DRD3: variants seen among roughly 807,000 people sequenced by gnomAD.
The protein encoded by DRD3 is D(3) dopamine receptor.
DRD3 carries 19 observed loss-of-function variants against 36.3 expected under a neutral mutation model. The ratio of observed to expected loss-of-function variants is 0.52; its 90% CI spans 0.36 to 0.77. The LOEUF is 0.77. Among genes scored for constraint, DRD3 ranks in the 30% least tolerant of loss-of-function variants. The pLI is 0.00. For missense variants in DRD3, 465 were observed against 505.3 expected (o/e 0.92, Z 0.77); for synonymous variants, 195 against 203.7 (o/e 0.96, Z 0.36).
chr3:114,199,098 T>C (rs1389783719), intron 1 of DRD3, among the ~76,000 whole-genome samples: 1 of 152,206 alleles, frequency 6.6e-6, no homozygotes, highest in Non-Finnish European at 1.5e-5. Context: ...TCATTTTGGA[T>C]AGTTTTTGTT....
intron 1 of DRD3, among the ~76,000 whole-genome samples, chr3:114,186,673 T>C (rs2077977301): frequency 6.6e-6 from 1 of 152,198 alleles, no homozygotes; most frequent in Non-Finnish European, 1.5e-5. Flanking sequence ...GAATGAGTAA[T>C]TGCTATTATG....
rs577636461 is a variant in DRD3 at position 114,137,914 on chromosome 3, C to T, written c.723+1586G>A. ...TCGGGAGGCTGAGGCAGGAGAATGG[C>T]GTGAACCCGGGAGGCGGAGCTTGCA... On this transcript the variant is annotated intron_variant, in intron 5 of 6. Coordinates refer to ENST00000383673, the MANE Select transcript of DRD3 (RefSeq NM_000796.6). Among the ~76,000 whole-genome samples, 11 of 144,484 alleles carry T rather than the reference C, an allele frequency of 7.6e-5. No homozygotes were observed. The South Asian group carries it at 1.6e-3, about 20-fold the overall frequency. The allele number at this position is 144,484 out of a possible 152,430, so 94.8% of individuals were successfully genotyped here. A position where few individuals can be genotyped will look rare whatever the true frequency, so the allele number is the denominator to read the frequency against.
chr3:114,169,662 G>A (rs1018065721), intron 2 of DRD3, among the ~76,000 whole-genome samples: 1 of 152,056 alleles, frequency 6.6e-6, no homozygotes, highest in African/African-American at 2.4e-5. Flanking sequence ...ATTTCTTTAA[G>A]GCCTTTGGCA....
At chr3:114,152,419 G>A (rs2077626104) in intron 3 of DRD3, among the ~76,000 whole-genome samples, 1 of 152,224 alleles carries the variant, frequency 6.6e-6, no homozygotes, top group Non-Finnish European at 1.5e-5. Context: ...CTGCATTAGG[G>A]AAAACTTCTG....
chr3:114,156,190 G>C (rs2077665679), intron 3 of DRD3, among the ~76,000 whole-genome samples: 1 of 152,118 alleles, frequency 6.6e-6, no homozygotes, highest in African/African-American at 2.4e-5. Context: ...ATGTCTATTT[G>C]ACTCCAAGTT....
chr3:114,138,726 G>T (rs1375401674), intron 5 of DRD3, among the ~76,000 whole-genome samples: 1 of 152,120 alleles, frequency 6.6e-6, no homozygotes, highest in Non-Finnish European at 1.5e-5. Context: ...CTCACATTTG[G>T]CAAACATCCT....
upstream of DRD3, among the ~76,000 whole-genome samples, chr3:114,179,752 T>C (rs928752607): frequency 2.0e-5 from 3 of 152,166 alleles, no homozygotes; most frequent in African/African-American, 7.2e-5. Flanking sequence ...GTGGATGTGC[T>C]TGGCAACTGC....
chr3:114,136,594 C>T (rs1399599790), intron 5 of DRD3, among the ~76,000 whole-genome samples: 2 of 152,318 alleles, frequency 1.3e-5, no homozygotes, highest in East Asian at 3.9e-4. Flanking sequence ...CAACTTTGAG[C>T]TGCATAGCTA....
At chr3:114,132,701 T>C (rs2077441611) in intron 5 of DRD3, among the ~76,000 whole-genome samples, 1 of 152,040 alleles carries the variant, frequency 6.6e-6, no homozygotes, top group African/African-American at 2.4e-5. Context: ...GAGAAACACA[T>C]TAAGTGACAC....
At chr3:114,130,757 A>G (rs2077422395) in intron 6 of DRD3, among the ~76,000 whole-genome samples, 1 of 152,134 alleles carries the variant, frequency 6.6e-6, no homozygotes, top group South Asian at 2.1e-4. Context: ...CCATATCACA[A>G]TAGTGTTTTG....
upstream of DRD3, chr3:114,179,082 T>C (rs199792325): frequency 1.1e-4 from 16 of 152,206 alleles, no homozygotes; most frequent in Non-Finnish European, 2.1e-4. Flanking sequence ...TTAGTACATG[T>C]ATATTTTCTC....
intron 2 of DRD3, among the ~76,000 whole-genome samples, chr3:114,164,220 CAAAAAAAAAAAAAAAA>C (rs34500434): frequency 2.9e-3 from 51 of 17,776 alleles, no homozygotes; most frequent in African/African-American, 4.9e-3. Flanking sequence ...GCCTCAGTCT[CAAAAAAAAAAAAAAAA>C]AAAAAAAAAA....
rs2077702507 is a variant in DRD3 at position 114,158,388 on chromosome 3, G to C, written c.383+1367C>G. The stretch of plus-strand genomic sequence containing the variant: ...ATAAAGCTGTTTTAAAAAGTGAAGA[G>C]TTGGGGATTTTAGAATATTTTTAGC... On this transcript the variant is annotated intron_variant, in intron 3 of 6. Transcript: ENST00000383673. 2.0e-5 allele frequency among the ~76,000 whole-genome samples: 3 copies of C among 152,214 alleles called. No homozygotes were observed. In the South Asian group the frequency reaches 6.2e-4, roughly 31 times the overall value.
intron 2 of DRD3, among the ~76,000 whole-genome samples, chr3:114,168,561 C>G (rs535808671): frequency 6.6e-6 from 1 of 151,932 alleles, no homozygotes; most frequent in Admixed American, 6.6e-5. Flanking sequence ...TGCATGCTCT[C>G]TCTCTCTCTC....
At chr3:114,151,316 C>A (rs2077615376) in intron 3 of DRD3, among the ~76,000 whole-genome samples, 1 of 152,088 alleles carries the variant, frequency 6.6e-6, no homozygotes. Context: ...TACTGTAACT[C>A]ACTTTCTCCA....
chr3:114,190,374 T>A (rs1191598501), intron 1 of DRD3, among the ~76,000 whole-genome samples: 2 of 133,666 alleles, frequency 1.5e-5, no homozygotes, highest in Non-Finnish European at 3.1e-5. Flanking sequence ...ACTATTGCCT[T>A]TGGAGCACAG....
chr3:114,198,378 C>T (rs1185635369), intron 1 of DRD3, among the ~76,000 whole-genome samples: 1 of 152,110 alleles, frequency 6.6e-6, no homozygotes, highest in Non-Finnish European at 1.5e-5. Flanking sequence ...GTCAAGCTAT[C>T]TGCCCACCTC....
Position 114,139,613 on chromosome 3 carries a change from T to A in DRD3, c.610A>T (p.Thr204Ser). The change falls in exon 5 of 7, where the codon ACT becomes TCT. Residue 204 changes from threonine to serine, a missense_variant. Physicochemically the swap from Thr to Ser is moderately conservative, Grantham distance 58. Coordinates refer to ENST00000383673, the MANE Select transcript of DRD3 (RefSeq NM_000796.6). ...TAGATTCTGGCATAGACAAGGACAG[T>A]CACTCCAAAGGGCAGGTAGAAGGAC... The part of the protein sequence containing the change: ...VVSFYLPFGV[T>S]VLVYARIYVV... The A allele has an allele frequency of 1.9e-6, 3 of 1,614,126 alleles. No individual in the cohort carries two copies. The highest frequency in any genetic ancestry group is 1.7e-6 in the Non-Finnish European group (2 of 1,180,026).
In DRD3 at chr3:114,131,379, G is replaced by A. The variant is rs1176731923; in HGVS notation, c.745C>T (p.His249Tyr). Residue 249 changes from histidine to tyrosine, a missense_variant, in exon 6 of 7, where the codon CAT becomes TAT. His to Tyr is a moderately conservative substitution (Grantham distance 83). Transcript: ENST00000383673. ...CTGTAGTAACGCTTCAGCTCCAGAT[G>A]TGCCGGGTCAGGAGAGAGGGTCTGC... is the stretch of plus-strand genomic sequence containing the variant. ...PQQTLSPDPA[H>Y]LELKRYYSIC... 1.2e-6 allele frequency: 2 copies of A among 1,613,916 alleles called. No individual in the cohort carries two copies. The highest frequency in any genetic ancestry group is 1.7e-6 in the Non-Finnish European group (2 of 1,179,890).
Sources: allele counts gnomAD v4.1 joint callset (sites outside exome capture counted in the v4.1 genomes callset), GRCh38; gene constraint gnomAD v4.1.1; transcripts MANE v1.5; gene names NCBI Gene and HGNC (gene_info 2026-07-23, HGNC 2026-07-21).